The following PLCE1 variants were observed in gnomAD, a reference collection of about 807,000 sequenced individuals.
The protein encoded by PLCE1 is 1-phosphatidylinositol 4,5-bisphosphate phosphodiesterase epsilon-1.
In PLCE1, 119 loss-of-function variants were observed where a neutral mutation model predicts 242.8. The ratio of observed to expected loss-of-function variants is 0.49; its 90% CI spans 0.42 to 0.57. The LOEUF (loss-of-function observed/expected upper bound fraction) is 0.57, where lower values mean the gene tolerates loss of function less well. Ranked by LOEUF, PLCE1 falls within the 20% of genes least tolerant of loss-of-function variation. The probability of loss-of-function intolerance (pLI) is 0.00; values close to 1 mark genes in which losing one functional copy is unlikely to be tolerated. For synonymous variants in PLCE1, 945 were observed against 1,017.4 expected (o/e 0.93, Z 1.35); for missense variants, 2,441 against 2,788.8 (o/e 0.88, Z 2.81).
intron 6 of PLCE1, among the ~76,000 whole-genome samples, chr10:94,235,549 A>G (rs2050293458): frequency 6.6e-6 from 1 of 152,198 alleles, no homozygotes; most frequent in African/African-American, 2.4e-5. Flanking sequence ...CTGGTTCCAT[A>G]GAATAGCATA....
chr10:94,208,614 C>T (rs371988135), intron 4 of PLCE1, among the ~76,000 whole-genome samples: 4 of 152,218 alleles, frequency 2.6e-5, no homozygotes, highest in African/African-American at 9.6e-5. Context: ...ATAGCCAGGG[C>T]CCTAGATCAG....
chr10:94,216,432 A>G (rs943824667), intron 4 of PLCE1, among the ~76,000 whole-genome samples: 8 of 152,178 alleles, frequency 5.3e-5, no homozygotes, highest in African/African-American at 1.7e-4. Flanking sequence ...TCTAGAGGGT[A>G]GACACTCAGG....
chr10:94,170,087 A>C (rs1316428643), intron 3 of PLCE1, among the ~76,000 whole-genome samples: 1 of 152,194 alleles, frequency 6.6e-6, no homozygotes, highest in African/African-American at 2.4e-5. Context: ...TCTGCAATGG[A>C]GATTTAGAAA....
chr10:94,062,589 T>TG (rs1554847107), intron 2 of PLCE1, among the ~76,000 whole-genome samples: 233 of 124,272 alleles, frequency 1.9e-3, no homozygotes, highest in African/African-American at 6.0e-3. Context: ...TTTGTTTTTT[T>TG]TTTTGTTTTG....
chr10:94,137,630 A>G (rs1323604832), intron 3 of PLCE1: 5 of 155,020 alleles, frequency 3.2e-5, no homozygotes, highest in African/African-American at 1.2e-4. Context: ...TAAGTGTTAC[A>G]TATAACCGAG....
At chr10:94,262,760 G>C (rs1251102287) in intron 14 of PLCE1, 28 bp downstream of exon 14, 4 of 1,345,054 alleles carry the variant, frequency 3.0e-6, no homozygotes, top group Non-Finnish European at 4.3e-6. Context: ...GTGTGCATGT[G>C]TGTGTGATGC....
chr10:94,285,491 G>A (rs770959112), intron 22 of PLCE1, among the ~76,000 whole-genome samples: 9 of 152,164 alleles, frequency 5.9e-5, no homozygotes, highest in South Asian at 2.1e-4. Context: ...CAGGTTTCAG[G>A]TATAGCTTAA....
At chr10:94,066,300 C>T (rs2044194161) in intron 2 of PLCE1, among the ~76,000 whole-genome samples, 1 of 152,192 alleles carries the variant, frequency 6.6e-6, no homozygotes, top group Non-Finnish European at 1.5e-5. Flanking sequence ...TCCCTTGCAT[C>T]AGGCACAATG....
At chr10:94,317,072 G>A (rs11187855) in intron 29 of PLCE1, among the ~76,000 whole-genome samples, 5,096 of 152,152 alleles carry the variant, frequency 0.033, 286 homozygotes, top group African/African-American at 0.11. Context: ...CCAACATGGC[G>A]AAACCCCATC....
intron 12 of PLCE1, 30 bp from the exon 13 acceptor site, chr10:94,258,984 A>G (rs1187029180): frequency 1.2e-6 from 2 of 1,613,856 alleles, no homozygotes; most frequent in African/African-American, 2.7e-5. Flanking sequence ...AAAGATACTC[A>G]ATGAGAGGTG....
chr10:94,310,106 G>C (rs1270041449), intron 27 of PLCE1, among the ~76,000 whole-genome samples: 1 of 152,210 alleles, frequency 6.6e-6, no homozygotes, highest in East Asian at 1.9e-4. Context: ...CATTTTAAAA[G>C]TGTATCCATT....
chr10:94,181,114 C>T lies in PLCE1; in HGVS notation c.1809+9618C>T, dbSNP rs2048296714. Among the ~76,000 whole-genome samples, 3 of 152,204 alleles carry T rather than the reference C, an allele frequency of 2.0e-5. No individual in the cohort carries two copies. The South Asian group carries it at 6.2e-4, about 32-fold the overall frequency. ...CAGGACTGGCACGCATGCACTCATT[C>T]TTCAACCATCTAATGTGACTTCCTT... On this transcript the variant is annotated intron_variant, in intron 4 of 32. Transcript: ENST00000371380.
chr10:94,243,379 A>C (rs925515668), intron 7 of PLCE1, among the ~76,000 whole-genome samples: 1 of 152,216 alleles, frequency 6.6e-6, no homozygotes, highest in Admixed American at 6.5e-5. Flanking sequence ...GAGCCTAAAG[A>C]GACCTGACAA....
intron 4 of PLCE1, among the ~76,000 whole-genome samples, chr10:94,179,370 A>G (rs1306399823): frequency 6.6e-6 from 1 of 152,128 alleles, no homozygotes; most frequent in Non-Finnish European, 1.5e-5. Context: ...GGGCTGAGAA[A>G]TAAGAGGGGC....
At chr10:94,008,669 T>C (rs1213074535) in intron 1 of PLCE1, among the ~76,000 whole-genome samples, 1 of 152,170 alleles carries the variant, frequency 6.6e-6, no homozygotes, top group Non-Finnish European at 1.5e-5. Flanking sequence ...TTTCCAACTT[T>C]TACATCTGTC....
chr10:94,174,213 T>C (rs2048062196), intron 4 of PLCE1, among the ~76,000 whole-genome samples: 1 of 152,196 alleles, frequency 6.6e-6, no homozygotes, highest in South Asian at 2.1e-4. Context: ...ATAATGACAG[T>C]GTTGGATTAT....
intron 4 of PLCE1, among the ~76,000 whole-genome samples, chr10:94,194,566 A>G (rs530469587): frequency 2.0e-5 from 3 of 152,326 alleles, no homozygotes; most frequent in Admixed American, 2.0e-4. Context: ...CTGTTCACTT[A>G]GTGCACAAGA....
intron 1 of PLCE1, among the ~76,000 whole-genome samples, chr10:94,004,361 A>G (rs572150996): frequency 6.6e-6 from 1 of 152,310 alleles, no homozygotes; most frequent in East Asian, 1.9e-4. Context: ...AGAATCTAGT[A>G]ATAGTCTAAT....
At chr10:94,188,626 A>T (rs570131899) in intron 4 of PLCE1, among the ~76,000 whole-genome samples, 128 of 152,242 alleles carry the variant, frequency 8.4e-4, no homozygotes, top group Non-Finnish European at 1.4e-3. Flanking sequence ...TGCTTTTTAG[A>T]TGGAGCTTCG....
Sources: allele counts gnomAD v4.1 joint callset (sites outside exome capture counted in the v4.1 genomes callset), GRCh38; gene constraint gnomAD v4.1.1; transcripts MANE v1.5; gene names NCBI Gene and HGNC (gene_info 2026-07-23, HGNC 2026-07-21).